The following CCDC148 variants were observed in gnomAD, a reference collection of about 807,000 sequenced individuals.
CCDC148 encodes the protein coiled-coil domain-containing protein 148.
Under a neutral mutation model 85.7 loss-of-function variants are expected in CCDC148, and 89 were observed. The ratio of observed to expected loss-of-function variants is 1.04; its 90% confidence interval spans 0.87 to 1.24. The LOEUF is 1.24. Among genes scored for constraint, CCDC148 ranks in the 50% most tolerant of loss-of-function variants. The pLI is 0.00. For missense variants in CCDC148, 692 were observed against 671.7 expected (o/e 1.03, Z -0.33); for synonymous variants, 230 against 213.9 (o/e 1.08, Z -0.66).
intron 1 of CCDC148, among the ~76,000 whole-genome samples, chr2:158,423,892 C>T (rs1485562409): frequency 6.6e-6 from 1 of 152,020 alleles, no homozygotes; most frequent in Non-Finnish European, 1.5e-5. Flanking sequence ...ACAACCCCAT[C>T]AAAAAGTGGG....
intron 9 of CCDC148, among the ~76,000 whole-genome samples, chr2:158,278,642 G>A (rs1393204811): frequency 1.3e-5 from 2 of 152,244 alleles, no homozygotes; most frequent in Admixed American, 1.3e-4. Context: ...ACTGGGTGGA[G>A]CCCACCACAG....
rs548079254 is a variant in CCDC148 at position 158,383,543 on chromosome 2, T to C, written c.26-24973A>G. Among the ~76,000 whole-genome samples, 25 of 152,200 alleles carry C rather than the reference T, an allele frequency of 1.6e-4. No homozygotes were observed. In the South Asian group the frequency reaches 5.0e-3, roughly 30 times the overall value. The stretch of plus-strand genomic sequence containing the variant: ...ATTGTCTTCTTTGTGTTCCATATTT[T>C]ATAAATTTTCAGTGAAAGAAAAATT... On this transcript the variant is annotated intron_variant, in intron 1 of 13. Transcript: ENST00000283233.
intron 1 of CCDC148, among the ~76,000 whole-genome samples, chr2:158,381,644 G>A (rs1479091456): frequency 1.3e-5 from 2 of 152,080 alleles, no homozygotes; most frequent in African/African-American, 4.8e-5. Context: ...ACATATATAA[G>A]AATGGTCATA....
intron 11 of CCDC148, among the ~76,000 whole-genome samples, chr2:158,216,386 CTTTTTTTTTTT>C (rs397697591): frequency 6.7e-5 from 4 of 59,434 alleles, no homozygotes; most frequent in Non-Finnish European, 1.2e-4. Flanking sequence ...AAGCACAATA[CTTTTTTTTTTT>C]TTTTTTTTTT....
At chr2:158,337,815 T>C (rs985330197) in intron 7 of CCDC148, among the ~76,000 whole-genome samples, 1 of 152,178 alleles carries the variant, frequency 6.6e-6, no homozygotes, top group Non-Finnish European at 1.5e-5. Context: ...TTTAAGTTTT[T>C]TCCCCCTGTA....
chr2:158,299,130 C>G (rs926491770), intron 9 of CCDC148, among the ~76,000 whole-genome samples: 1 of 152,086 alleles, frequency 6.6e-6, no homozygotes, highest in Non-Finnish European at 1.5e-5. Context: ...TACGGCATGG[C>G]CTTTCTAGGG....
intron 9 of CCDC148, among the ~76,000 whole-genome samples, chr2:158,259,325 C>T (rs1374084708): frequency 6.6e-6 from 1 of 151,822 alleles, no homozygotes; most frequent in African/African-American, 2.4e-5. Context: ...GTGCCTGTTT[C>T]CCCACTCGAC....
chr2:158,379,660 A>G (rs1225149806), intron 1 of CCDC148, among the ~76,000 whole-genome samples: 1 of 152,164 alleles, frequency 6.6e-6, no homozygotes, highest in East Asian at 1.9e-4. Flanking sequence ...TACCTTGATC[A>G]GTAAGCAGCC....
rs763388934 is a variant in CCDC148 at position 158,338,978 on chromosome 2, C to A, written c.582+12G>T. The A allele has an allele frequency of 1.2e-6, 2 of 1,608,268 alleles. No individual in the cohort carries two copies. The highest frequency in any genetic ancestry group is 1.3e-5 in the African/African-American group (1 of 74,828). ...TGATAAACACATAAATTATTAGCCA[C>A]ATCACACTTACCTTTATACTCCAGT... On this transcript the variant is annotated intron_variant, in intron 6 of 13. Coordinates refer to ENST00000283233, the MANE Select transcript of CCDC148 (RefSeq NM_138803.4).
chr2:158,235,417 T>A (rs1253801087), intron 10 of CCDC148, among the ~76,000 whole-genome samples: 1 of 152,316 alleles, frequency 6.6e-6, no homozygotes, highest in East Asian at 1.9e-4. Context: ...GATTTAATTT[T>A]ATGCCACAGG....
chr2:158,198,544 T>C (rs957723408), intron 11 of CCDC148, among the ~76,000 whole-genome samples: 6 of 152,218 alleles, frequency 3.9e-5, no homozygotes, highest in African/African-American at 1.4e-4. Flanking sequence ...CAAATGCGAA[T>C]TCATGATGAT....
At chr2:158,326,432 A>G (rs1352900136) in intron 7 of CCDC148, among the ~76,000 whole-genome samples, 1 of 152,136 alleles carries the variant, frequency 6.6e-6, no homozygotes, top group East Asian at 1.9e-4. Flanking sequence ...TATTATGTTT[A>G]TGGTTTTCAG....
At chr2:158,451,022 T>C (rs1187239612) in intron 1 of CCDC148, among the ~76,000 whole-genome samples, 1 of 152,204 alleles carries the variant, frequency 6.6e-6, no homozygotes, top group Non-Finnish European at 1.5e-5. Flanking sequence ...TTGGATAGTT[T>C]CTATTAGTCT....
At position 158,418,235 on chromosome 2, in the gene CCDC148, C is replaced by T. The variant is rs142961647; in HGVS notation, c.25+38180G>A. ...TTTCTGGGTTCAAATTGCCATATCT[C>T]TACAATGAAGGGGTTGGACTAGGTA... On this transcript the variant is annotated intron_variant, in intron 1 of 13. Coordinates refer to ENST00000283233, the MANE Select transcript of CCDC148 (RefSeq NM_138803.4). Among the ~76,000 whole-genome samples, 482 of 152,060 alleles carry T rather than the reference C, an allele frequency of 3.2e-3. 3 individuals are homozygous for T. The highest frequency in any genetic ancestry group is 0.011 in the African/African-American group (450 of 41,492).
At chr2:158,436,711 C>A (rs972127437) in intron 1 of CCDC148, among the ~76,000 whole-genome samples, 1 of 151,992 alleles carries the variant, frequency 6.6e-6, no homozygotes, top group Non-Finnish European at 1.5e-5. Flanking sequence ...AAAAGACCAA[C>A]AAAATTGATA....
chr2:158,285,001 C>T (rs1690547509), intron 9 of CCDC148, among the ~76,000 whole-genome samples: 1 of 152,018 alleles, frequency 6.6e-6, no homozygotes, highest in Non-Finnish European at 1.5e-5. Flanking sequence ...GAATTCAGTG[C>T]ATTAGGCTGG....
At chr2:158,235,477 T>C (rs1688060666) in intron 10 of CCDC148, among the ~76,000 whole-genome samples, 1 of 152,180 alleles carries the variant, frequency 6.6e-6, no homozygotes, top group African/African-American at 2.4e-5. Flanking sequence ...TAGGCTCTTG[T>C]AAAATTTCTA....
chr2:158,373,603 CTT>C (rs1160755120), intron 1 of CCDC148, among the ~76,000 whole-genome samples: 16 of 152,010 alleles, frequency 1.1e-4, no homozygotes, highest in African/African-American at 3.9e-4. Flanking sequence ...TACTATTACA[CTT>C]TGTGTTTGCT....
chr2:158,333,123 T>C (rs771352309), intron 7 of CCDC148, among the ~76,000 whole-genome samples: 2 of 152,206 alleles, frequency 1.3e-5, no homozygotes, highest in Non-Finnish European at 2.9e-5. Flanking sequence ...TGGGTATCAA[T>C]TTTAGATCTT....
Sources: gnomAD v4.1 joint callset for allele counts (sites outside exome capture counted in the v4.1 genomes callset) on GRCh38, gnomAD v4.1.1 for gene constraint, MANE v1.5 for transcripts, NCBI Gene and HGNC (gene_info 2026-07-23, HGNC 2026-07-21) for gene names.